Variants in TARBP1 observed in about 807,000 individuals in gnomAD.
TARBP1 encodes tRNA guanosine 2 -O-methyltransferase TARBP1.
TARBP1 carries 144 observed loss-of-function variants against 178.6 expected under a neutral mutation model. The observed-to-expected ratio is 0.81, with a 90% CI of 0.70 to 0.93. TARBP1 has a LOEUF of 0.93. Among genes scored for constraint, TARBP1 ranks in the 40% least tolerant of loss-of-function variants. TARBP1 has a pLI of 0.00. For synonymous variants in TARBP1, 787 were observed against 781.0 expected, an observed-to-expected ratio of 1.01 and a Z score of -0.13; for missense variants, 2,067 against 2,011.7, an observed-to-expected ratio of 1.03 and a Z score of -0.53.
chr1:234,474,266 AC>A (rs1223577811), intron 1 of TARBP1, among the ~76,000 whole-genome samples: 38 of 150,874 alleles, frequency 2.5e-4, no homozygotes, highest in Non-Finnish European at 1.2e-4. Flanking sequence ...ACACACACAC[AC>A]ACACACACAC....
In TARBP1 at chr1:234,405,891, AG is replaced by A. The variant is rs1426009229; in HGVS notation, c.3989+11del. The A allele has an allele frequency of 1.6e-5, 26 of 1,611,114 alleles. No homozygotes were observed. Among genetic ancestry groups the A allele is most frequent in the Non-Finnish European group, 2.2e-5 (26 of 1,178,152 alleles). On this transcript the variant is annotated intron_variant, in intron 24 of 29. Coordinates refer to ENST00000040877, the MANE Select transcript of TARBP1 (RefSeq NM_005646.4). The stretch of plus-strand genomic sequence containing the variant: ...GAGAGTGAGGGCGATGAGGTTGACG[AG>A]GGCTCCTTACCCTGCTCCGTGCATG...
In TARBP1 at chr1:234,392,421, C is replaced by G; in HGVS notation, c.4692G>C (p.Leu1564Phe). 1.9e-6 allele frequency: 3 copies of G among 1,613,922 alleles called. No individual in the cohort carries two copies. Among genetic ancestry groups the G allele is most frequent in the Non-Finnish European group, 2.5e-6 (3 of 1,179,922 alleles). Residue 1564 changes from leucine to phenylalanine, a missense_variant, in exon 29 of 30, where the codon TTG becomes TTC. Coordinates refer to ENST00000040877, the MANE Select transcript of TARBP1 (RefSeq NM_005646.4). ...GGACACAAGAAGCTTCTTACCCCAA[C>G]AAGAGCAGAGATTTCTCAGGAAAGC... is the stretch of plus-strand genomic sequence containing the variant. Reference protein sequence around the residue: ...QYCFPEKSLLLLGNEREGIPA... With the variant: ...QYCFPEKSLLFLGNEREGIPA...
chr1:234,424,584 T>G (rs1238306417), intron 20 of TARBP1, among the ~76,000 whole-genome samples: 1 of 152,204 alleles, frequency 6.6e-6, no homozygotes. Flanking sequence ...CAGTTTTTAC[T>G]TTTTCATTCC....
At chr1:234,476,638 A>G (rs906660441) in intron 1 of TARBP1, among the ~76,000 whole-genome samples, 1 of 152,250 alleles carries the variant, frequency 6.6e-6, no homozygotes, top group Non-Finnish European at 1.5e-5. Flanking sequence ...TTGCAGGAAG[A>G]GAAAAATGAT....
chr1:234,396,367 G>T (rs1659934039), intron 26 of TARBP1, among the ~76,000 whole-genome samples: 2 of 152,154 alleles, frequency 1.3e-5, no homozygotes, highest in East Asian at 3.8e-4. Context: ...TTCCAGTAAA[G>T]CTCTCGCCGG....
chr1:234,462,687 CAA>C (rs35604890), intron 6 of TARBP1, among the ~76,000 whole-genome samples: 3,445 of 102,706 alleles, frequency 0.034, 139 homozygotes, highest in African/African-American at 0.12. Context: ...GACTTCATCT[CAA>C]AAAAAAAAAA....
chr1:234,467,451 A>G (rs1668562864), intron 4 of TARBP1, 51 bp downstream of exon 4: 1 of 1,449,916 alleles, frequency 6.9e-7, no homozygotes, highest in Non-Finnish European at 9.1e-7. Flanking sequence ...GTGTATTTTT[A>G]CCTCTCGCCT....
At chr1:234,445,141 G>C (rs1204795352) in intron 12 of TARBP1, among the ~76,000 whole-genome samples, 2 of 151,998 alleles carry the variant, frequency 1.3e-5, no homozygotes, top group Admixed American at 1.3e-4. Context: ...CTTCTGTTAG[G>C]GCATCAACAG....
chr1:234,416,160 T>C (rs1019126023), intron 22 of TARBP1, among the ~76,000 whole-genome samples: 3 of 152,240 alleles, frequency 2.0e-5, no homozygotes, highest in Non-Finnish European at 2.9e-5. Context: ...GGGGCAGTGC[T>C]AACCCATTTG....
intron 16 of TARBP1, 37 bp downstream of exon 16, chr1:234,429,379 A>T: frequency 6.3e-7 from 1 of 1,583,248 alleles, no homozygotes; most frequent in African/African-American, 1.4e-5. Context: ...CGCCACTCCT[A>T]TAGTTACTGT....
chr1:234,469,050 C>A lies in TARBP1; in HGVS notation c.1100-1400G>T, dbSNP rs370846539. On this transcript the variant is annotated intron_variant, in intron 3 of 29. Coordinates refer to ENST00000040877, the MANE Select transcript of TARBP1 (RefSeq NM_005646.4). ...TACTAGGTTGGTGCGAAAGTCGTTG[C>A]GGTTTTTGCCTTTTTTTTTTTTTTT... Among the ~76,000 whole-genome samples, 28 of 85,776 alleles carry A rather than the reference C, an allele frequency of 3.3e-4. No individual in the cohort carries two copies. The East Asian group carries it at 0.017, about 51-fold the overall frequency. 56.3% of individuals were successfully genotyped at this position (85,776 alleles called of 152,430 possible). A position where few individuals can be genotyped will look rare whatever the true frequency, so the allele number is the denominator to read the frequency against.
chr1:234,477,661 T>C (rs1669691050), intron 1 of TARBP1, among the ~76,000 whole-genome samples: 1 of 152,248 alleles, frequency 6.6e-6, no homozygotes, highest in Admixed American at 6.5e-5. Context: ...AAGGTCGACT[T>C]AAGAAACATG....
At position 234,479,095 on chromosome 1, in the gene TARBP1, C is replaced by T; in HGVS notation, c.9G>A (p.Trp3Ter). 1 of 1,534,704 alleles carries T rather than the reference C, an allele frequency of 6.5e-7. No individual in the cohort carries two copies. The highest frequency in any genetic ancestry group is 8.7e-7 in the Non-Finnish European group (1 of 1,154,188). The change falls in exon 1 of 30, where the codon TGG becomes TGA. Residue 3 changes from tryptophan to a stop codon, truncating the protein, a stop_gained. Transcript: ENST00000040877. LOFTEE classifies it high-confidence loss of function. ME[W>*]VLAEALLSQS... is the part of the protein sequence containing the mutation. ...GCGAGAGCAGCGCTTCCGCGAGCAC[C>T]CACTCCATTTGCCGAGCGCCCGCGC...
At chr1:234,401,322 A>T (rs1660658975) in intron 24 of TARBP1, 60 bp from the exon 25 acceptor site, 3 of 1,306,426 alleles carry the variant, frequency 2.3e-6, no homozygotes, top group Non-Finnish European at 1.1e-6. Context: ...GTGAGGGGAG[A>T]ATCAATTCAG....
rs72765608 is a variant in TARBP1, at chr1:234,453,330, T to G, written c.1723-2764A>C. ...AAACTCTCTGTACTTTTTTTGTGTG[T>G]TTTTTTTTTTTTTTACATTATTACT... On this transcript the variant is annotated intron_variant, in intron 9 of 29. Coordinates refer to ENST00000040877, the MANE Select transcript of TARBP1 (RefSeq NM_005646.4). 7.8e-3 allele frequency among the ~76,000 whole-genome samples: 420 copies of G among 53,876 alleles called. 3 individuals carry two copies. The East Asian group carries it at 0.1, about 13-fold the overall frequency. 35.3% of individuals were successfully genotyped at this position (53,876 alleles called of 152,430 possible).
At chr1:234,446,331 TA>T (rs1464315123) in intron 12 of TARBP1, among the ~76,000 whole-genome samples, 1 of 152,126 alleles carries the variant, frequency 6.6e-6, no homozygotes, top group Non-Finnish European at 1.5e-5. Flanking sequence ...ATTTTCTACT[TA>T]AAAGGTACTC....
intron 5 of TARBP1, among the ~76,000 whole-genome samples, chr1:234,464,308 G>A (rs138162777): frequency 8.8e-4 from 134 of 152,092 alleles, no homozygotes; most frequent in Non-Finnish European, 1.7e-3. Flanking sequence ...AAATTTTTAG[G>A]TCTAAAACAA....
In TARBP1 at chr1:234,478,866, G is replaced by A. The variant is rs1286603451; in HGVS notation, c.238C>T (p.Pro80Ser). The A allele has an allele frequency of 3.1e-6, 4 of 1,281,276 alleles. No individual in the cohort carries two copies. The highest frequency in any genetic ancestry group is 2.5e-5 in the South Asian group (1 of 40,392). 79.4% of individuals were successfully genotyped at this position (1,281,276 alleles called of 1,614,324 possible). The change falls in exon 1 of 30, where the codon CCC becomes TCC. Residue 80 changes from proline to serine, a missense_variant. Physicochemically the swap from Pro to Ser is moderately conservative, Grantham distance 74. Coordinates refer to ENST00000040877, the MANE Select transcript of TARBP1 (RefSeq NM_005646.4). ...AGACTGGGGTCCGGGCCGCCCGCGG[G>A]GCGTCCGCGCAGGCTCCGCAGCAGT... Reference protein sequence around the residue: ...VPLLRSLRGRPAGGPDPSLQP... With the variant: ...VPLLRSLRGRSAGGPDPSLQP...
chr1:234,465,705 T>C lies in TARBP1; in HGVS notation c.1252A>G (p.Ile418Val), dbSNP rs774710531. 38 of 1,284,980 alleles carry C rather than the reference T, an allele frequency of 3.0e-5. No homozygotes were observed. The African/African-American group carries it at 5.7e-4, about 19-fold the overall frequency. The allele number at this position is 1,284,980 out of a possible 1,614,324, so 79.6% of individuals were successfully genotyped here. A position where few individuals can be genotyped will look rare whatever the true frequency, so the allele number is the denominator to read the frequency against. The change falls in exon 5 of 30, where the codon ATT becomes GTT. Residue 418 changes from isoleucine to valine, a missense_variant. By Grantham distance (29) the Ile-to-Val change is conservative. Coordinates refer to ENST00000040877, the MANE Select transcript of TARBP1 (RefSeq NM_005646.4). ...LPFSPEFSEF[I>V]IGPLMDALSE... ...AGCGCATCCATTAATGGTCCAATAATAAACTAAAAAAAAAAAAAAAAAAAG... is the reference window on the plus strand; with the variant it reads ...AGCGCATCCATTAATGGTCCAATAACAAACTAAAAAAAAAAAAAAAAAAAG...
Sources: allele counts gnomAD v4.1 joint callset (sites outside exome capture counted in the v4.1 genomes callset), GRCh38; gene constraint gnomAD v4.1.1; transcripts MANE v1.5; gene names NCBI Gene and HGNC (gene_info 2026-07-23, HGNC 2026-07-21).